TMPRSS15: variants seen among roughly 807,000 people sequenced by gnomAD.
TMPRSS15 encodes the protein transmembrane serine protease 15, also known as enteropeptidase.
TMPRSS15 carries 128 observed loss-of-function variants against 125.3 expected under a neutral mutation model. That is an observed-to-expected ratio of 1.02 (90% CI 0.89 to 1.18). The LOEUF (loss-of-function observed/expected upper bound fraction) is 1.18, where lower values mean the gene tolerates loss of function less well. Among genes scored for constraint, TMPRSS15 ranks in the 50% most tolerant of loss-of-function variants. TMPRSS15 has a pLI of 0.00. For missense variants in TMPRSS15, 1,283 were observed against 1,212.7 expected, an observed-to-expected ratio of 1.06 and a Z score of -0.86; for synonymous variants, 446 against 423.2, an observed-to-expected ratio of 1.05 and a Z score of -0.66.
At position 18,312,951 on chromosome 21, in the gene TMPRSS15, C is replaced by G; in HGVS notation, c.2159G>C (p.Gly720Ala). ...QISNDVCQLL[G>A]LGSGNSSKPI... ...ACTCAGTAGAATTACTTACCCTAGTCCCAGCAGTTGACAAACATCATTTGA... is the reference window on the plus strand; with the variant it reads ...ACTCAGTAGAATTACTTACCCTAGTGCCAGCAGTTGACAAACATCATTTGA... Residue 720 changes from glycine to alanine, a missense_variant, in exon 18 of 25, where the codon GGA becomes GCA. Physicochemically the swap from Gly to Ala is moderately conservative, Grantham distance 60 (BLOSUM62 0). Transcript: ENST00000284885. The G allele has an allele frequency of 6.2e-7, 1 of 1,613,708 alleles. No homozygotes were observed. The highest frequency in any genetic ancestry group is 8.5e-7 in the Non-Finnish European group (1 of 1,179,742).
intron 13 of TMPRSS15, among the ~76,000 whole-genome samples, chr21:18,337,053 C>CT (rs1157938696): frequency 6.6e-6 from 1 of 152,112 alleles, no homozygotes; most frequent in Non-Finnish European, 1.5e-5. Flanking sequence ...TCCAAATTAA[C>CT]TTTTTTTTCT....
intron 16 of TMPRSS15, among the ~76,000 whole-genome samples, chr21:18,325,085 C>A (rs557023541): frequency 7.2e-5 from 11 of 152,002 alleles, no homozygotes; most frequent in Non-Finnish European, 1.2e-4. Flanking sequence ...CACACACACA[C>A]ACACACGCTT....
rs182841900 is a variant in TMPRSS15 at position 18,352,256 on chromosome 21, A to G, written c.1171+647T>C. ...TCTCAGCAAAATATTATTGTCTCTAATATTTCCACCTGGCATCAATTCTAA... is the reference window on the plus strand; with the variant it reads ...TCTCAGCAAAATATTATTGTCTCTAGTATTTCCACCTGGCATCAATTCTAA... On this transcript the variant is annotated intron_variant, in intron 10 of 24. Coordinates refer to ENST00000284885, the MANE Select transcript of TMPRSS15 (RefSeq NM_002772.3). Among the ~76,000 whole-genome samples the G allele has an allele frequency of 7.9e-5, 12 of 152,172 alleles. No homozygotes were observed. The South Asian group carries it at 1.0e-3, about 13-fold the overall frequency.
intron 13 of TMPRSS15, among the ~76,000 whole-genome samples, chr21:18,333,456 T>G (rs1046607312): frequency 1.3e-5 from 2 of 152,210 alleles, no homozygotes; most frequent in African/African-American, 4.8e-5. Context: ...AAATGTTTAC[T>G]TAAAATAAAA....
chr21:18,397,835 A>G (rs756564002), intron 3 of TMPRSS15, 44 bp downstream of exon 3: 184 of 1,105,194 alleles, frequency 1.7e-4, no homozygotes, highest in Admixed American at 8.8e-5. Context: ...TAGCAAAAAA[A>G]TCACTAATTT....
At chr21:18,394,416 C>G (rs1479366998) in intron 3 of TMPRSS15, among the ~76,000 whole-genome samples, 3 of 151,060 alleles carry the variant, frequency 2.0e-5, no homozygotes, top group Non-Finnish European at 4.4e-5. Context: ...TCAGATGAAA[C>G]AAAAAAAATG....
At chr21:18,463,276 A>AAAAAAC in intron 1 of TMPRSS15, among the ~76,000 whole-genome samples, 1 of 141,950 alleles carries the variant, frequency 7.0e-6, no homozygotes, top group Non-Finnish European at 1.5e-5. Flanking sequence ...AAAAAAAAAA[A>AAAAAAC]AGCCGGGGGT....
intron 15 of TMPRSS15, among the ~76,000 whole-genome samples, chr21:18,327,752 A>G (rs2146963560): frequency 6.6e-6 from 1 of 152,282 alleles, no homozygotes; most frequent in South Asian, 2.1e-4. Flanking sequence ...GGAGGGCGAT[A>G]AAACACTTTT....
At chr21:18,341,842 A>G (rs554672620) in intron 12 of TMPRSS15, among the ~76,000 whole-genome samples, 9 of 152,160 alleles carry the variant, frequency 5.9e-5, no homozygotes, top group Non-Finnish European at 1.3e-4. Flanking sequence ...TGTCTCTCTT[A>G]TGATATTGTC....
At chr21:18,327,737 G>A (rs983731882) in intron 15 of TMPRSS15, among the ~76,000 whole-genome samples, 2 of 151,788 alleles carry the variant, frequency 1.3e-5, no homozygotes, top group Non-Finnish European at 2.9e-5. Flanking sequence ...CTTTTTTTGT[G>A]TGTGGGAGGG....
intron 1 of TMPRSS15, among the ~76,000 whole-genome samples, chr21:18,462,927 TC>T (rs1413692931): frequency 6.6e-6 from 1 of 152,098 alleles, no homozygotes; most frequent in Non-Finnish European, 1.5e-5. Context: ...AAAAGAATTT[TC>T]AATCCAGAAT....
chr21:18,440,372 CAAAAA>C (rs539968323), intron 1 of TMPRSS15, among the ~76,000 whole-genome samples: 3 of 47,426 alleles, frequency 6.3e-5, no homozygotes, highest in Admixed American at 3.1e-4. Flanking sequence ...AACTCCGTCT[CAAAAA>C]AAAAAAAAAA....
chr21:18,302,576 T>C (rs1028215036), intron 18 of TMPRSS15, among the ~76,000 whole-genome samples: 2 of 152,220 alleles, frequency 1.3e-5, no homozygotes, highest in Non-Finnish European at 2.9e-5. Context: ...TAGGAGTTGA[T>C]GGCATTTACT....
In TMPRSS15 at chr21:18,359,812, A is replaced by G. The variant is rs755152765; in HGVS notation, c.825T>C (p.Tyr275=). The change falls in exon 8 of 25, where the codon TAT becomes TAC. Residue 275 remains tyrosine, a synonymous_variant. Coordinates refer to ENST00000284885, the MANE Select transcript of TMPRSS15 (RefSeq NM_002772.3). ...IKLSFDDFNT[Y]YTDILDIYEG... The stretch of plus-strand genomic sequence containing the variant: ...CATAAATATCTAATATATCTGTATA[A>G]TATGTATTAAAATCATCGAAGCTCA... 3 of 1,533,968 alleles carry G rather than the reference A, an allele frequency of 2.0e-6. No individual in the cohort carries two copies. The highest frequency in any genetic ancestry group is 2.2e-5 in the South Asian group (2 of 89,302).
chr21:18,310,506 T>G (rs59347826), intron 18 of TMPRSS15, among the ~76,000 whole-genome samples: 30,010 of 148,142 alleles, frequency 0.2, 3,164 homozygotes, highest in East Asian at 0.4. Context: ...AACCAAGGAG[T>G]TGAAAGACCT....
intron 8 of TMPRSS15, among the ~76,000 whole-genome samples, chr21:18,354,883 T>A (rs2075609188): frequency 6.6e-6 from 1 of 151,786 alleles, no homozygotes; most frequent in Non-Finnish European, 1.5e-5. Context: ...GAAATAACAG[T>A]GAGTTATTTA....
At chr21:18,303,445 T>G (rs1359618513) in intron 18 of TMPRSS15, among the ~76,000 whole-genome samples, 1 of 152,150 alleles carries the variant, frequency 6.6e-6, no homozygotes, top group Non-Finnish European at 1.5e-5. Context: ...TCGATTTTAT[T>G]CAAAAATTGT....
Position 18,294,402 on chromosome 21 carries a change from A to G in TMPRSS15, c.2354T>C (p.Ile785Thr), listed in dbSNP as rs1218185054. Reference sequence around the variant, plus strand: ...TTCTTTGGCATTACTTCCTCCAACAATCTTTGGGGTGATGTCTTGAGCTGC... The same window carrying G: ...TTCTTTGGCATTACTTCCTCCAACAGTCTTTGGGGTGATGTCTTGAGCTGC... Reference protein sequence around the residue: ...KLAAQDITPKIVGGSNAKEGA... With the variant: ...KLAAQDITPKTVGGSNAKEGA... Residue 785 changes from isoleucine to threonine, a missense_variant, in exon 21 of 25, where the codon ATT becomes ACT. By Grantham distance (89) the Ile-to-Thr change is moderately conservative. Coordinates refer to ENST00000284885, the MANE Select transcript of TMPRSS15 (RefSeq NM_002772.3). 6 of 1,614,228 alleles carry G rather than the reference A, an allele frequency of 3.7e-6. No homozygotes were observed. Among genetic ancestry groups the G allele is most frequent in the Admixed American group, 1.7e-5 (1 of 60,026 alleles).
At chr21:18,406,548 A>T (rs145127746), upstream of TMPRSS15, among the ~76,000 whole-genome samples, 5 of 152,328 alleles carry the variant, frequency 3.3e-5, no homozygotes, top group African/African-American at 1.2e-4. Context: ...CAAAAAAGAA[A>T]GAAAACAGGA....
Sources: allele counts gnomAD v4.1 joint callset (sites outside exome capture counted in the v4.1 genomes callset), GRCh38; gene constraint gnomAD v4.1.1; transcripts MANE v1.5; gene names NCBI Gene and HGNC (gene_info 2026-07-23, HGNC 2026-07-21).